LBR: variants seen among roughly 807,000 people sequenced by gnomAD.
LBR encodes the protein lamin B receptor, also known as delta(14)-sterol reductase LBR.
A neutral mutation model predicts 74.3 loss-of-function variants in LBR; 28 were observed. The observed-to-expected ratio is 0.38, with a 90% confidence interval of 0.28 to 0.52. The LOEUF is 0.52. Among genes scored for constraint, LBR ranks in the 20% least tolerant of loss-of-function variants. LBR has a pLI of 0.89. For synonymous variants in LBR, 228 were observed against 269.3 expected (o/e 0.85, Z 1.50); for missense variants, 717 against 760.3 (o/e 0.94, Z 0.67).
chr1:225,404,431 T>C lies in LBR; in HGVS notation c.1660A>G (p.Met554Val). 2.5e-6 allele frequency: 4 copies of C among 1,614,160 alleles called. No homozygotes were observed. In the South Asian group the frequency reaches 3.3e-5, roughly 13 times the overall value. ...CATGGGAGGGACCACGCCAAGGCCA[T>C]GATGAGATCACCCAAGTAATTGGGG... ...RHPNYLGDLIMALAWSLPCGF... is the reference protein window; with the variant it reads ...RHPNYLGDLIVALAWSLPCGF... The change falls in exon 13 of 14, where the codon ATG becomes GTG. Residue 554 changes from methionine to valine, a missense_variant. By Grantham distance (21) the Met-to-Val change is conservative. Transcript: ENST00000272163.
chr1:225,419,225 C>A (rs1043219933), intron 5 of LBR, 38 bp downstream of exon 5: 16 of 1,604,664 alleles, frequency 1.0e-5, no homozygotes, highest in Non-Finnish European at 1.3e-5. Flanking sequence ...CCCTAGCTCA[C>A]CCCACCTGCC....
At chr1:225,416,363 T>C (rs2096117166) in intron 6 of LBR, among the ~76,000 whole-genome samples, 2 of 152,206 alleles carry the variant, frequency 1.3e-5, no homozygotes, top group African/African-American at 4.8e-5. Context: ...ACTTGCTCAA[T>C]GCAGCCACGT....
chr1:225,411,744 CA>C (rs1263911587), intron 8 of LBR, among the ~76,000 whole-genome samples: 2 of 152,348 alleles, frequency 1.3e-5, no homozygotes, highest in Non-Finnish European at 2.9e-5. Flanking sequence ...AGATAGGCGA[CA>C]TTTTTTTATA....
intron 10 of LBR, among the ~76,000 whole-genome samples, chr1:225,408,730 A>G (rs1234765299): frequency 6.6e-6 from 1 of 152,264 alleles, no homozygotes; most frequent in Non-Finnish European, 1.5e-5. Flanking sequence ...GACAGAAAAC[A>G]ATTTCCTAAC....
intron 2 of LBR, 151 bp downstream of exon 2, chr1:225,423,760 C>T: frequency 1.3e-6 from 1 of 779,612 alleles, no homozygotes; most frequent in South Asian, 1.5e-5. Context: ...TCATACATTC[C>T]CAGAGCCAAA....
At chr1:225,415,240 T>C in intron 7 of LBR, 38 bp downstream of exon 7, 2 of 1,322,476 alleles carry the variant, frequency 1.5e-6, no homozygotes, top group Non-Finnish European at 2.2e-6. Context: ...GTTTAAGCTA[T>C]CAAATCATCA....
Position 225,403,026 on chromosome 1 carries a change from C to A in LBR, c.*277G>T, listed in dbSNP as rs1216919478. On this transcript the variant is annotated 3_prime_UTR_variant, in exon 14 of 14. Transcript: ENST00000272163. Reference sequence around the variant, plus strand: ...TCTTCACAGTACATTTATATTAAGACTGTCTTCTGTTTTCAGATTAAGGGT... The same window carrying A: ...TCTTCACAGTACATTTATATTAAGAATGTCTTCTGTTTTCAGATTAAGGGT... 4.6e-6 allele frequency: 2 copies of A among 430,636 alleles called. No individual in the cohort carries two copies. The highest frequency in any genetic ancestry group is 4.6e-5 in the East Asian group (1 of 21,916). 26.7% of individuals were successfully genotyped at this position (430,636 alleles called of 1,614,324 possible). A position where few individuals can be genotyped will look rare whatever the true frequency, so the allele number is the denominator to read the frequency against.
chr1:225,403,477 T>C lies in LBR; in HGVS notation c.1688-14A>G. The stretch of plus-strand genomic sequence containing the variant: ...TGTGGTTAAAACCTGTGGATAATAA[T>C]AGTACACAGTATTAGATATTTTTAT... On this transcript the variant is annotated splice_polypyrimidine_tract_variant and intron_variant, in intron 13 of 13. Transcript: ENST00000272163. 3 of 1,570,588 alleles carry C rather than the reference T, an allele frequency of 1.9e-6. No homozygotes were observed. The highest frequency in any genetic ancestry group is 2.6e-6 in the Non-Finnish European group (3 of 1,140,554).
At chr1:225,424,424 T>C (rs996365243) in intron 1 of LBR, among the ~76,000 whole-genome samples, 34 of 152,364 alleles carry the variant, frequency 2.2e-4, no homozygotes, top group African/African-American at 7.7e-4. Context: ...ATTTGTAAAT[T>C]TGCGTATCAA....
chr1:225,416,633 G>C (rs12087159), intron 6 of LBR, among the ~76,000 whole-genome samples: 6,631 of 152,280 alleles, frequency 0.044, 174 homozygotes, highest in South Asian at 0.069. Context: ...TTTAATCTGT[G>C]AATATATAGA....
Position 225,417,991 on chromosome 1 carries a change from A to G in LBR, c.830T>C (p.Ile277Thr), listed in dbSNP as rs754401622. Reference protein sequence around the residue: ...LIQVLFYLLPIGKVVEGTPLI... With the variant: ...LIQVLFYLLPTGKVVEGTPLI... ...GAATTACCATAAACGTACCTTTCCA[A>G]TTGGCAGTAGGTAGAACAGGACTTG... The change falls in exon 6 of 14, where the codon ATT (isoleucine) becomes ACT (threonine). Residue 277 changes from isoleucine to threonine, a missense_variant. By Grantham distance (89) the Ile-to-Thr change is moderately conservative. Transcript: ENST00000272163. The G allele has an allele frequency of 9.3e-6, 15 of 1,613,808 alleles. No individual in the cohort carries two copies. The highest frequency in any genetic ancestry group is 2.2e-5 in the South Asian group (2 of 91,078).
intron 4 of LBR, 121 bp downstream of exon 4, chr1:225,419,594 C>CAGA: frequency 1.9e-6 from 2 of 1,027,296 alleles, no homozygotes; most frequent in South Asian, 2.8e-5. Context: ...AATTTAAGGA[C>CAGA]AGAATTTTAG....
In LBR at chr1:225,418,002, G is replaced by A. The variant is rs746272856; in HGVS notation, c.819C>T (p.Tyr273=). ...AACGTACCTTTCCAATTGGCAGTAGGTAGAACAGGACTTGAATCAAAAACC... is the reference window on the plus strand; with the variant it reads ...AACGTACCTTTCCAATTGGCAGTAGATAGAACAGGACTTGAATCAAAAACC... ...LLWFLIQVLF[Y]LLPIGKVVEG... The change falls in exon 6 of 14, where the codon TAC becomes TAT. Residue 273 remains tyrosine (Y), a synonymous_variant. Coordinates refer to ENST00000272163, the MANE Select transcript of LBR (RefSeq NM_002296.4). 3.2e-5 allele frequency: 52 copies of A among 1,613,932 alleles called. No homozygotes were observed. Among genetic ancestry groups the A allele is most frequent in the South Asian group, 9.9e-5 (9 of 91,090 alleles).
In LBR at chr1:225,410,299, A is replaced by G; in HGVS notation, c.1306T>C (p.Trp436Arg). The G allele has an allele frequency of 6.2e-7, 1 of 1,614,164 alleles. No individual in the cohort carries two copies. The highest frequency in any genetic ancestry group is 1.1e-5 in the South Asian group (1 of 91,082). ...FQLLYVVDAL[W>R]NEEALLTTMD... is the part of the protein sequence containing the mutation. Reference sequence around the variant, plus strand: ...CTCTTAAAATTAATTACCTCATTCCAGAGAGCATCCACCACATAGAGAAGC... The same window carrying G: ...CTCTTAAAATTAATTACCTCATTCCGGAGAGCATCCACCACATAGAGAAGC... The change falls in exon 10 of 14, where the codon TGG becomes CGG. Residue 436 changes from tryptophan to arginine, a missense_variant. Coordinates refer to ENST00000272163, the MANE Select transcript of LBR (RefSeq NM_002296.4).
In LBR at chr1:225,406,827, C is replaced by T. The variant is rs754636043; in HGVS notation, c.1320G>A (p.Ala440=). The change falls in exon 11 of 14, where the codon GCG becomes GCA. Residue 440 remains alanine (A), a synonymous_variant. Coordinates refer to ENST00000272163, the MANE Select transcript of LBR (RefSeq NM_002296.4). The part of the protein sequence containing the change: ...YVVDALWNEE[A]LLTTMDIIHD... ...GGATGATGTCCATGGTCGTCAACAA[C>T]GCTTCCTATAAGGATACAGACGGGG... 1.2e-5 allele frequency: 19 copies of T among 1,613,960 alleles called. No individual in the cohort carries two copies. The highest frequency in any genetic ancestry group is 2.2e-5 in the South Asian group (2 of 91,094).
At chr1:225,416,726 A>G (rs147970035) in intron 6 of LBR, among the ~76,000 whole-genome samples, 1 of 152,310 alleles carries the variant, frequency 6.6e-6, no homozygotes, top group African/African-American at 2.4e-5. Context: ...TTTCGGAAAA[A>G]ATTGCATCTG....
chr1:225,416,372 G>A (rs185057070), intron 6 of LBR, among the ~76,000 whole-genome samples: 4 of 152,234 alleles, frequency 2.6e-5, no homozygotes, highest in East Asian at 1.9e-4. Context: ...ATGCAGCCAC[G>A]TTTTACCCCA....
rs901245430 is a variant in LBR at position 225,410,271 on chromosome 1, C to T, written c.1314+20G>A. ...TCAAAGCCATCTGACTCCAAGGCCT[C>T]GGCTCTTAAAATTAATTACCTCATT... On this transcript the variant is annotated intron_variant, in intron 10 of 13. Transcript: ENST00000272163. The T allele has an allele frequency of 3.7e-6, 6 of 1,613,436 alleles. No individual in the cohort carries two copies. The African/African-American group carries it at 5.3e-5, about 14-fold the overall frequency.
intron 6 of LBR, among the ~76,000 whole-genome samples, chr1:225,416,201 A>G (rs891052591): frequency 7.0e-6 from 1 of 142,482 alleles, no homozygotes; most frequent in Non-Finnish European, 1.5e-5. Context: ...TGTCTCAAGA[A>G]AAAAAAAAAA....
Sources: allele counts gnomAD v4.1 joint callset (sites outside exome capture counted in the v4.1 genomes callset), GRCh38; gene constraint gnomAD v4.1.1; transcripts MANE v1.5; gene names NCBI Gene and HGNC (gene_info 2026-07-23, HGNC 2026-07-21).